The following SBF2 variants were observed in gnomAD, a reference collection of about 807,000 sequenced individuals.
SBF2 encodes the protein SET binding factor 2, also known as myotubularin-related protein 13.
In SBF2, 112 loss-of-function variants were observed where a neutral mutation model predicts 225.2. The ratio of observed to expected loss-of-function variants is 0.50; its 90% CI spans 0.43 to 0.58. The LOEUF (loss-of-function observed/expected upper bound fraction) is 0.58. Ranked by LOEUF, SBF2 falls within the 20% of genes least tolerant of loss-of-function variation. The probability of loss-of-function intolerance (pLI) is 0.00; values close to 1 mark genes in which losing one functional copy is unlikely to be tolerated. For missense variants in SBF2, 1,996 were observed against 2,206.2 expected, an observed-to-expected ratio of 0.90 and a Z score of 1.91; for synonymous variants, 763 against 773.3, an observed-to-expected ratio of 0.99 and a Z score of 0.22.
intron 29 of SBF2, among the ~76,000 whole-genome samples, chr11:9,814,473 A>C (rs574357112): frequency 1.3e-5 from 2 of 152,296 alleles, no homozygotes; most frequent in South Asian, 2.1e-4. Flanking sequence ...AAATAATCTA[A>C]TAGGAAAAAA....
intron 32 of SBF2, among the ~76,000 whole-genome samples, chr11:9,802,500 A>C (rs1853549925): frequency 6.6e-6 from 1 of 152,256 alleles, no homozygotes. Context: ...ATTCAATGTT[A>C]GAAATGGTTA....
At chr11:9,892,338 C>A (rs1401961745) in intron 17 of SBF2, among the ~76,000 whole-genome samples, 1 of 151,076 alleles carries the variant, frequency 6.6e-6, no homozygotes, top group African/African-American at 2.4e-5. Flanking sequence ...AGGCTGGTCT[C>A]GAACTCCTGG....
At chr11:9,873,818 G>A (rs1411957478) in intron 17 of SBF2, among the ~76,000 whole-genome samples, 1 of 152,214 alleles carries the variant, frequency 6.6e-6, no homozygotes, top group East Asian at 1.9e-4. Context: ...GGAGGCCGAG[G>A]CGGGTGGATC....
intron 1 of SBF2, among the ~76,000 whole-genome samples, chr11:10,261,281 C>T (rs1410980472): frequency 6.6e-6 from 1 of 152,206 alleles, no homozygotes; most frequent in Admixed American, 6.5e-5. Context: ...TTGCTCACTG[C>T]AACCTCCACC....
At position 10,042,896 on chromosome 11, in the gene SBF2, T is replaced by A; in HGVS notation, c.227A>T (p.Asp76Val). ...FVVVLTDIDSDRHYCSCLTFY... is the reference protein window; with the variant it reads ...FVVVLTDIDSVRHYCSCLTFY... ...GGTTAGGCATGAGCAGTAATGTCGA[T>A]CTGAGTCAATGTCTGTCAGGACAAC... Residue 76 changes from aspartate to valine, a missense_variant, in exon 3 of 40, where the codon GAT becomes GTT. Asp to Val is a radical substitution (Grantham distance 152, BLOSUM62 -3). Transcript: ENST00000256190. 1 of 1,614,050 alleles carries A rather than the reference T, an allele frequency of 6.2e-7. No homozygotes were observed. Among genetic ancestry groups the A allele is most frequent in the Non-Finnish European group, 8.5e-7 (1 of 1,179,932 alleles).
At chr11:10,084,028 C>T (rs1951461559) in intron 2 of SBF2, among the ~76,000 whole-genome samples, 2 of 152,052 alleles carry the variant, frequency 1.3e-5, no homozygotes, top group Non-Finnish European at 2.9e-5. Context: ...AAAGCTTATG[C>T]ACAGCAAAAG....
At chr11:9,924,170 T>C (rs1296395806) in intron 16 of SBF2, among the ~76,000 whole-genome samples, 2 of 152,194 alleles carry the variant, frequency 1.3e-5, no homozygotes, top group Non-Finnish European at 2.9e-5. Context: ...TTACAATTTT[T>C]TGAGTTTAAG....
At chr11:10,203,105 A>G (rs1413993727) in intron 1 of SBF2, among the ~76,000 whole-genome samples, 1 of 152,188 alleles carries the variant, frequency 6.6e-6, no homozygotes. Context: ...AGGAAAATCC[A>G]GAAGTCCTGG....
intron 2 of SBF2, among the ~76,000 whole-genome samples, chr11:10,143,872 C>A (rs11600489): frequency 2.0e-5 from 3 of 151,962 alleles, no homozygotes; most frequent in African/African-American, 7.2e-5. Context: ...CACTCGCTAC[C>A]GCGCCCGGCT....
At chr11:10,126,886 C>G (rs966111973) in intron 2 of SBF2, among the ~76,000 whole-genome samples, 1 of 151,962 alleles carries the variant, frequency 6.6e-6, no homozygotes, top group African/African-American at 2.4e-5. Flanking sequence ...ACTTGCTATA[C>G]CATGGATGAC....
chr11:10,088,796 C>T (rs1951673464), intron 2 of SBF2, among the ~76,000 whole-genome samples: 1 of 152,182 alleles, frequency 6.6e-6, no homozygotes, highest in African/African-American at 2.4e-5. Context: ...CAGCATGAGG[C>T]TTGGGTGGGA....
At chr11:9,908,925 C>A (rs1411205376) in intron 16 of SBF2, among the ~76,000 whole-genome samples, 2 of 151,018 alleles carry the variant, frequency 1.3e-5, no homozygotes, top group Non-Finnish European at 2.9e-5. Flanking sequence ...TGAGCTCAAG[C>A]GATCCTCTCA....
chr11:10,034,971 T>C (rs566563409), intron 3 of SBF2, among the ~76,000 whole-genome samples: 1 of 152,182 alleles, frequency 6.6e-6, no homozygotes, highest in African/African-American at 2.4e-5. Flanking sequence ...GCATAAGAAA[T>C]ACACATTTTA....
rs529682930 is a variant in SBF2, at chr11:9,972,541, C to T, written c.1396-3996G>A. Among the ~76,000 whole-genome samples the T allele has an allele frequency of 1.8e-4, 28 of 152,260 alleles. No homozygotes were observed. In the East Asian group the frequency reaches 3.9e-3, roughly 21 times the overall value. Reference sequence around the variant, plus strand: ...TGTTGTCCAGGCTGGGGTGCAGTGGCGCGATCTCTGCTCGCTGCAACCTCT... The same window carrying T: ...TGTTGTCCAGGCTGGGGTGCAGTGGTGCGATCTCTGCTCGCTGCAACCTCT... On this transcript the variant is annotated intron_variant, in intron 13 of 39. Transcript: ENST00000256190.
At chr11:10,202,761 C>G (rs1565350616) in intron 1 of SBF2, among the ~76,000 whole-genome samples, 1 of 152,202 alleles carries the variant, frequency 6.6e-6, no homozygotes, top group Non-Finnish European at 1.5e-5. Flanking sequence ...GCACTCCAGC[C>G]TGGGTGACAG....
At chr11:10,081,384 A>C (rs1418989331) in intron 2 of SBF2, among the ~76,000 whole-genome samples, 1 of 152,166 alleles carries the variant, frequency 6.6e-6, no homozygotes, top group East Asian at 1.9e-4. Context: ...AAGAATGAAA[A>C]TGGAGACACA....
chr11:10,135,470 C>A (rs1194728536), intron 2 of SBF2, among the ~76,000 whole-genome samples: 1 of 152,162 alleles, frequency 6.6e-6, no homozygotes, highest in Non-Finnish European at 1.5e-5. Flanking sequence ...TGTCAGGCTG[C>A]AAATCATCTG....
chr11:10,251,177 C>T (rs1960309947), intron 1 of SBF2, among the ~76,000 whole-genome samples: 2 of 152,132 alleles, frequency 1.3e-5, no homozygotes, highest in African/African-American at 4.8e-5. Context: ...AGATGCGAAA[C>T]CTTAATGGTA....
chr11:9,782,477 A>G (rs1852077537), intron 38 of SBF2, among the ~76,000 whole-genome samples: 1 of 152,210 alleles, frequency 6.6e-6, no homozygotes, highest in African/African-American at 2.4e-5. Context: ...AAGGTACTAG[A>G]TCATCTCAAA....
Sources: gnomAD v4.1 joint callset for allele counts (sites outside exome capture counted in the v4.1 genomes callset) on GRCh38, gnomAD v4.1.1 for gene constraint, MANE v1.5 for transcripts, NCBI Gene and HGNC (gene_info 2026-07-23, HGNC 2026-07-21) for gene names.